The following NTN3 variants were observed in gnomAD, a reference collection of about 807,000 sequenced individuals.
The protein encoded by NTN3 is netrin 3.
In NTN3, 44 loss-of-function variants were observed where a neutral mutation model predicts 37.2. That is an observed-to-expected ratio of 1.18 (90% CI 0.93 to 1.52). The LOEUF (loss-of-function observed/expected upper bound fraction) is 1.52. NTN3 is among the 40% of genes most tolerant of loss of function. The pLI is 0.00. For synonymous variants in NTN3, 385 were observed against 376.0 expected, an observed-to-expected ratio of 1.02 and a Z score of -0.28; for missense variants, 882 against 857.3, an observed-to-expected ratio of 1.03 and a Z score of -0.36.
chr16:2,474,129 C>T lies in NTN3; in HGVS notation c.*24C>T, dbSNP rs116640902. The T allele has an allele frequency of 2.7e-3, 3,251 of 1,201,734 alleles. 64 individuals carry two copies. The African/African-American group carries it at 0.046, about 17-fold the overall frequency. 74.4% of individuals were successfully genotyped at this position (1,201,734 alleles called of 1,614,324 possible). On this transcript the variant is annotated 3_prime_UTR_variant, in exon 6 of 6. Transcript: ENST00000293973. ...GAGCCCGCCGGCTGGGCAGGGCGGC[C>T]GCTGCTCCCACATCTAGGCGCACGT...
Position 2,471,840 on chromosome 16 carries a change from G to T in NTN3, c.139G>T (p.Ala47Ser). 6.9e-7 allele frequency: 1 copy of T among 1,442,866 alleles called. No individual in the cohort carries two copies. The highest frequency in any genetic ancestry group is 2.8e-5 in the Admixed American group (1 of 35,738). 89.4% of individuals were successfully genotyped at this position (1,442,866 alleles called of 1,614,324 possible). ...PRGCVPGLVN[A>S]ALGREVLASS... ...CGGCTGCGTGCCAGGACTGGTGAACGCCGCCCTGGGCCGCGAGGTGCTGGC... is the reference window on the plus strand; with the variant it reads ...CGGCTGCGTGCCAGGACTGGTGAACTCCGCCCTGGGCCGCGAGGTGCTGGC... The change falls in exon 1 of 6, where the codon GCC becomes TCC. Residue 47 changes from alanine to serine, a missense_variant. Ala to Ser is a moderately conservative substitution (Grantham distance 99, BLOSUM62 1). Coordinates refer to ENST00000293973, the MANE Select transcript of NTN3 (RefSeq NM_006181.3).
rs767913205 is a variant in NTN3, at chr16:2,471,931, C to T, written c.230C>T (p.Ser77Phe). Residue 77 changes from serine (S) to phenylalanine (F), a missense_variant, in exon 1 of 6, where the codon TCC (serine) becomes TTC (phenylalanine). Coordinates refer to ENST00000293973, the MANE Select transcript of NTN3 (RefSeq NM_006181.3). ...CDASDPRRAH[S>F]PALLTSPGGT... The stretch of plus-strand genomic sequence containing the variant: ...GCCTCCGACCCGCGACGGGCACACT[C>T]CCCCGCCCTCCTTACTTCCCCAGGG... 3.9e-6 allele frequency: 6 copies of T among 1,549,446 alleles called. No homozygotes were observed. In the Admixed American group the frequency reaches 9.3e-5, roughly 24 times the overall value.
At position 2,472,459 on chromosome 16, in the gene NTN3, G is replaced by A; in HGVS notation, c.758G>A (p.Gly253Glu). The A allele has an allele frequency of 1.2e-6, 2 of 1,611,198 alleles. No homozygotes were observed. Among genetic ancestry groups the A allele is most frequent in the African/African-American group, 1.3e-5 (1 of 74,958 alleles). ...SYAATDLQVG[G>E]RCKCNGHASR... ...GCAGCCACCGACCTCCAGGTGGGCG[G>A]GCGCTGCAAGTGCAATGGACATGCC... Residue 253 changes from glycine to glutamate, a missense_variant, in exon 1 of 6, where the codon GGG (glycine) becomes GAG (glutamate). Gly to Glu is a moderately conservative substitution (Grantham distance 98, BLOSUM62 -2). Coordinates refer to ENST00000293973, the MANE Select transcript of NTN3 (RefSeq NM_006181.3).
Position 2,473,275 on chromosome 16 carries a change from T to A in NTN3, c.1275T>A (p.Pro425=). ...CTCCCTCCCTCTCTGCAGAGACCCCTATCCCTGGACCCACTGAGGACAGCA... is the reference window on the plus strand; with the variant it reads ...CTCCCTCCCTCTCTGCAGAGACCCCAATCCCTGGACCCACTGAGGACAGCA... ...RSPVAPCVKT[P]IPGPTEDSSP... is the part of the protein sequence containing the mutation. Residue 425 remains proline (P), a synonymous_variant, in exon 4 of 6, where the codon CCT becomes CCA. Coordinates refer to ENST00000293973, the MANE Select transcript of NTN3 (RefSeq NM_006181.3). 1.2e-6 allele frequency: 2 copies of A among 1,612,808 alleles called. No individual in the cohort carries two copies. Among genetic ancestry groups the A allele is most frequent in the Non-Finnish European group, 8.5e-7 (1 of 1,179,940 alleles).
chr16:2,473,912 C>G lies in NTN3; in HGVS notation c.1550C>G (p.Pro517Arg), dbSNP rs1001149456. 2.3e-5 allele frequency: 28 copies of G among 1,197,502 alleles called. No individual in the cohort carries two copies. Among genetic ancestry groups the G allele is most frequent in the East Asian group, 7.1e-5 (2 of 28,296 alleles). The allele number at this position is 1,197,502 out of a possible 1,614,324, so 74.2% of individuals were successfully genotyped here. Residue 517 changes from proline to arginine, a missense_variant, in exon 6 of 6, where the codon CCG (proline) becomes CGG (arginine). By Grantham distance (103) the Pro-to-Arg change is moderately radical. Transcript: ENST00000293973. The part of the protein sequence containing the change: ...VPAGDAACGC[P>R]RLLPGRRYLL... The stretch of plus-strand genomic sequence containing the variant: ...GCCGGGGATGCGGCCTGCGGCTGCC[C>G]GCGCCTGCTCCCCGGCCGCCGCTAC...
chr16:2,472,271 T>C lies in NTN3; in HGVS notation c.570T>C (p.Leu190=). 1.2e-6 allele frequency: 2 copies of C among 1,607,776 alleles called. No homozygotes were observed. The highest frequency in any genetic ancestry group is 1.7e-5 in the Admixed American group (1 of 59,678). The change falls in exon 1 of 6, where the codon CTT becomes CTC. Residue 190 remains leucine (L), a synonymous_variant. Transcript: ENST00000293973. The stretch of plus-strand genomic sequence containing the variant: ...TGGCCCAGCCTGATGGCAGCGGCCT[T>C]CTGGCCTTCAGCATGCAGGACAGCA... The part of the protein sequence containing the change: ...APLAQPDGSG[L]LAFSMQDSSP...
In NTN3 at chr16:2,471,786, C is replaced by A. The variant is rs1015795471; in HGVS notation, c.85C>A (p.Pro29Thr). Residue 29 changes from proline to threonine, a missense_variant, in exon 1 of 6, where the codon CCC becomes ACC. Pro to Thr is a conservative substitution (Grantham distance 38, BLOSUM62 -1). Coordinates refer to ENST00000293973, the MANE Select transcript of NTN3 (RefSeq NM_006181.3). ...TCCTGGGCCGCCGGCGCCCGCCGAC[C>A]CCTGCCACGATGAGGGGGGTGCGCC... ...LSPGPPAPADPCHDEGGAPRG... is the reference protein window; with the variant it reads ...LSPGPPAPADTCHDEGGAPRG... The A allele has an allele frequency of 2.9e-6, 4 of 1,387,170 alleles. No individual in the cohort carries two copies. The African/African-American group carries it at 6.1e-5, about 21-fold the overall frequency. The allele number at this position is 1,387,170 out of a possible 1,614,324, so 85.9% of individuals were successfully genotyped here. A position where few individuals can be genotyped will look rare whatever the true frequency, so the allele number is the denominator to read the frequency against.
In NTN3 at chr16:2,471,967, G is replaced by C; in HGVS notation, c.266G>C (p.Ser89Thr). 6.3e-7 allele frequency: 1 copy of C among 1,587,572 alleles called. No homozygotes were observed. Among genetic ancestry groups the C allele is most frequent in the Non-Finnish European group, 8.5e-7 (1 of 1,172,484 alleles). The change falls in exon 1 of 6, where the codon AGC becomes ACC. Residue 89 changes from serine to threonine, a missense_variant. Coordinates refer to ENST00000293973, the MANE Select transcript of NTN3 (RefSeq NM_006181.3). Reference protein sequence around the residue: ...ALLTSPGGTASPLCWRSESLP... With the variant: ...ALLTSPGGTATPLCWRSESLP... ...CTTACTTCCCCAGGGGGCACGGCCA[G>C]CCCTCTGTGCTGGCGCTCGGAGTCC...
In NTN3 at chr16:2,473,119, G is replaced by A. The variant is rs1567400479; in HGVS notation, c.1252G>A (p.Val418Met). 2 of 1,603,148 alleles carry A rather than the reference G, an allele frequency of 1.2e-6. No homozygotes were observed. Among genetic ancestry groups the A allele is most frequent in the Non-Finnish European group, 1.7e-6 (2 of 1,175,524 alleles). Residue 418 changes from valine (V) to methionine (M), a missense_variant, in exon 3 of 6, where the codon GTG (valine) becomes ATG (methionine). Coordinates refer to ENST00000293973, the MANE Select transcript of NTN3 (RefSeq NM_006181.3). Reference sequence around the variant, plus strand: ...TGGCTTCCAGCAAAGCCGCTCCCCAGTGGCGCCCTGTGTTAGTGAGTGACC... The same window carrying A: ...TGGCTTCCAGCAAAGCCGCTCCCCAATGGCGCCCTGTGTTAGTGAGTGACC... ...APGFQQSRSPVAPCVKTPIPG... is the reference protein window; with the variant it reads ...APGFQQSRSPMAPCVKTPIPG...
In NTN3 at chr16:2,471,631, G is replaced by T; in HGVS notation, c.-71G>T. ...TGCGGGCCTGGTGGGCAGAGCCGCG[G>T]AGAGGGCTTCTTTTCCCCAAGGGCA... On this transcript the variant is annotated 5_prime_UTR_variant, in exon 1 of 6. Coordinates refer to ENST00000293973, the MANE Select transcript of NTN3 (RefSeq NM_006181.3). The T allele has an allele frequency of 8.6e-7, 1 of 1,160,358 alleles. No individual in the cohort carries two copies. 71.9% of individuals were successfully genotyped at this position (1,160,358 alleles called of 1,614,324 possible). A position where few individuals can be genotyped will look rare whatever the true frequency, so the allele number is the denominator to read the frequency against.
chr16:2,472,251 C>A lies in NTN3; in HGVS notation c.550C>A (p.Gln184Lys), dbSNP rs747098225. 5 of 1,609,836 alleles carry A rather than the reference C, an allele frequency of 3.1e-6. No homozygotes were observed. Among genetic ancestry groups the A allele is most frequent in the Middle Eastern group, 1.6e-4 (1 of 6,074 alleles). ...EALCFPAPLAQPDGSGLLAFS... is the reference protein window; with the variant it reads ...EALCFPAPLAKPDGSGLLAFS... ...CCTGTGCTTCCCCGCACCCCTGGCC[C>A]AGCCTGATGGCAGCGGCCTTCTGGC... Residue 184 changes from glutamine to lysine, a missense_variant, in exon 1 of 6, where the codon CAG becomes AAG. By Grantham distance (53) the Gln-to-Lys change is moderately conservative. Transcript: ENST00000293973.
rs376401848 is a variant in NTN3 at position 2,473,151 on chromosome 16, C to T, written c.1267+17C>T. The T allele has an allele frequency of 2.8e-5, 44 of 1,593,094 alleles. No homozygotes were observed. The highest frequency in any genetic ancestry group is 3.4e-5 in the Admixed American group (2 of 59,276). On this transcript the variant is annotated intron_variant, in intron 3 of 5. Transcript: ENST00000293973. ...CCTGTGTTAGTGAGTGACCCTGCCC[C>T]GCCTCAGCCACCAAGCCAAGGCCAC... is the stretch of plus-strand genomic sequence containing the variant.
rs764750793 is a variant in NTN3, at chr16:2,472,749, T to C, written c.977T>C (p.Leu326Pro). The C allele has an allele frequency of 1.2e-6, 2 of 1,608,918 alleles. No individual in the cohort carries two copies. Among genetic ancestry groups the C allele is most frequent in the East Asian group, 2.2e-5 (1 of 44,876 alleles). The change falls in exon 2 of 6, where the codon CTG becomes CCG. Residue 326 changes from leucine (L) to proline (P), a missense_variant. Coordinates refer to ENST00000293973, the MANE Select transcript of NTN3 (RefSeq NM_006181.3). ...CGCCGCTGCCGCTTCAACATGGAGC[T>C]GTACCGACTGTCCGGCCGCCGCAGC... ...HARRCRFNME[L>P]YRLSGRRSGG...
In NTN3 at chr16:2,473,314, C is replaced by G. The variant is rs1331903446; in HGVS notation, c.1314C>G (p.Pro438=). The change falls in exon 4 of 6, where the codon CCC becomes CCG. Residue 438 remains proline (P), a synonymous_variant. Coordinates refer to ENST00000293973, the MANE Select transcript of NTN3 (RefSeq NM_006181.3). The part of the protein sequence containing the change: ...GPTEDSSPVQ[P]QDCDSHCKPA... ...CTGAGGACAGCAGCCCTGTGCAGCC[C>G]CAGGGTGAGTGGACACAGGACAGGG... 1.9e-6 allele frequency: 3 copies of G among 1,612,868 alleles called. No individual in the cohort carries two copies. In the African/African-American group the frequency reaches 4.0e-5, roughly 22 times the overall value.
At position 2,472,224 on chromosome 16, in the gene NTN3, G is replaced by A; in HGVS notation, c.523G>A (p.Ala175Thr). 1 of 1,610,246 alleles carries A rather than the reference G, an allele frequency of 6.2e-7. No homozygotes were observed. Among genetic ancestry groups the A allele is most frequent in the Non-Finnish European group, 8.5e-7 (1 of 1,179,736 alleles). The change falls in exon 1 of 6, where the codon GCC (alanine) becomes ACC (threonine). Residue 175 changes from alanine to threonine, a missense_variant. Coordinates refer to ENST00000293973, the MANE Select transcript of NTN3 (RefSeq NM_006181.3). The stretch of plus-strand genomic sequence containing the variant: ...TGGCCCAGCTGGCCCAGGGCCTGAG[G>A]CCCTGTGCTTCCCCGCACCCCTGGC... Reference protein sequence around the residue: ...ANGPAGPGPEALCFPAPLAQP... With the variant: ...ANGPAGPGPETLCFPAPLAQP...
chr16:2,473,756 C>G lies in NTN3; in HGVS notation c.1394C>G (p.Ala465Gly), dbSNP rs769706625. ...CCGCCCCCTCTCGCTCTCCCCGCAG[C>G]GGTGCAGGTGGCGGTGGGTGCGCGC... ...SLKKFCKKDY[A>G]VQVAVGARGE... The change falls in exon 6 of 6, where the codon GCG (alanine) becomes GGG (glycine). Residue 465 changes from alanine (A) to glycine (G), a missense_variant and splice_region_variant. Physicochemically the swap from Ala to Gly is moderately conservative, Grantham distance 60. Coordinates refer to ENST00000293973, the MANE Select transcript of NTN3 (RefSeq NM_006181.3). The G allele has an allele frequency of 2.1e-6, 3 of 1,419,456 alleles. No homozygotes were observed. Among genetic ancestry groups the G allele is most frequent in the Non-Finnish European group, 2.7e-6 (3 of 1,097,496 alleles). 87.9% of individuals were successfully genotyped at this position (1,419,456 alleles called of 1,614,324 possible). A position where few individuals can be genotyped will look rare whatever the true frequency, so the allele number is the denominator to read the frequency against.
In NTN3 at chr16:2,472,355, C is replaced by T. The variant is rs141156888; in HGVS notation, c.654C>T (p.Thr218=). 233 of 1,611,962 alleles carry T rather than the reference C, an allele frequency of 1.4e-4. No homozygotes were observed. Among genetic ancestry groups the T allele is most frequent in the Non-Finnish European group, 1.8e-4 (217 of 1,179,390 alleles). The change falls in exon 1 of 6, where the codon ACC becomes ACT. Residue 218 remains threonine (T), a synonymous_variant. Coordinates refer to ENST00000293973, the MANE Select transcript of NTN3 (RefSeq NM_006181.3). ...SPVLQDWVTA[T]DVRVVLTRPS... Reference sequence around the variant, plus strand: ...TGCTCCAAGACTGGGTGACCGCCACCGACGTCCGTGTAGTGCTCACAAGGC... The same window carrying T: ...TGCTCCAAGACTGGGTGACCGCCACTGACGTCCGTGTAGTGCTCACAAGGC...
Position 2,472,847 on chromosome 16 carries a change from C to G in NTN3, c.1075C>G (p.Arg359Gly), listed in dbSNP as rs553572133. The change falls in exon 2 of 6, where the codon CGA (arginine) becomes GGA (glycine). Residue 359 changes from arginine (R) to glycine (G), a missense_variant. By Grantham distance (125) the Arg-to-Gly change is moderately radical. Coordinates refer to ENST00000293973, the MANE Select transcript of NTN3 (RefSeq NM_006181.3). ...CCACTACTGCCGGGAGGGCTTCTATCGAGACCCTGGCCGTGCCCTGAGTGA... is the reference window on the plus strand; with the variant it reads ...CCACTACTGCCGGGAGGGCTTCTATGGAGACCCTGGCCGTGCCCTGAGTGA... The part of the protein sequence containing the change: ...HCHYCREGFY[R>G]DPGRALSDRR... 1.2e-6 allele frequency: 2 copies of G among 1,607,498 alleles called. No homozygotes were observed. Among genetic ancestry groups the G allele is most frequent in the Non-Finnish European group, 1.7e-6 (2 of 1,178,442 alleles).
chr16:2,474,066 G>A lies in NTN3; in HGVS notation c.1704G>A (p.Leu568=), dbSNP rs1381882560. 2 of 1,209,074 alleles carry A rather than the reference G, an allele frequency of 1.7e-6. No homozygotes were observed. Among genetic ancestry groups the A allele is most frequent in the South Asian group, 4.1e-5 (1 of 24,242 alleles). The allele number at this position is 1,209,074 out of a possible 1,614,324, so 74.9% of individuals were successfully genotyped here. The part of the protein sequence containing the change: ...RDAWTRRLRR[L]QRRERRGRCS... ...CGTGGACGCGGCGCCTGCGGAGGCT[G>A]CAGCGACGCGAACGGCGGGGGCGCT... Residue 568 remains leucine, a synonymous_variant, in exon 6 of 6, where the codon CTG becomes CTA. Coordinates refer to ENST00000293973, the MANE Select transcript of NTN3 (RefSeq NM_006181.3).
Sources: allele counts gnomAD v4.1 joint callset, GRCh38; gene constraint gnomAD v4.1.1; transcripts MANE v1.5; gene names NCBI Gene and HGNC (gene_info 2026-07-23, HGNC 2026-07-21).